CC2D2B: variants seen among roughly 807,000 people sequenced by gnomAD.
CC2D2B encodes the protein protein CC2D2B.
CC2D2B carries 128 observed loss-of-function variants against 161.2 expected under a neutral mutation model. That is an observed-to-expected ratio of 0.79 (90% CI 0.69 to 0.92). The LOEUF is 0.92. CC2D2B is among the 40% of genes least tolerant of loss of function. CC2D2B has a pLI of 0.00. For missense variants in CC2D2B, 1,173 were observed against 1,375.1 expected, an observed-to-expected ratio of 0.85 and a Z score of 2.32; for synonymous variants, 391 against 449.8, an observed-to-expected ratio of 0.87 and a Z score of 1.65.
At chr10:96,001,033 G>A (rs934318813) in intron 24 of CC2D2B, among the ~76,000 whole-genome samples, 1 of 152,070 alleles carries the variant, frequency 6.6e-6, no homozygotes, top group African/African-American at 2.4e-5. Flanking sequence ...AATCCAAAAA[G>A]AAATATACAC....
intron 9 of CC2D2B, among the ~76,000 whole-genome samples, chr10:95,948,219 C>CA (rs370443931): frequency 0.034 from 4,957 of 145,680 alleles, 125 homozygotes; most frequent in South Asian, 0.076. Context: ...GCCAAAAGAA[C>CA]AAAGCTGGAG....
intron 11 of CC2D2B, among the ~76,000 whole-genome samples, chr10:95,956,673 A>C (rs188706286): frequency 1.3e-4 from 20 of 152,270 alleles, no homozygotes; most frequent in African/African-American, 4.8e-4. Context: ...CAGTATCTGC[A>C]AGGGATTGGT....
At chr10:95,923,221 C>T (rs2098531309) in intron 3 of CC2D2B, among the ~76,000 whole-genome samples, 1 of 151,794 alleles carries the variant, frequency 6.6e-6, no homozygotes, top group Admixed American at 6.6e-5. Context: ...GGATTACAGG[C>T]GTGAGCCACT....
At chr10:95,943,828 A>G (rs182840925) in intron 9 of CC2D2B, among the ~76,000 whole-genome samples, 1 of 152,256 alleles carries the variant, frequency 6.6e-6, no homozygotes, top group East Asian at 1.9e-4. Context: ...ATATATGAAA[A>G]ATTATAGAAG....
rs2142001984 is a variant in CC2D2B at position 96,032,756 on chromosome 10, GTATTTGGAAGGAACTC to G, written c.*749_*764del. 1 of 468,952 alleles carries G rather than the reference GTATTTGGAAGGAACTC, an allele frequency of 2.1e-6. No homozygotes were observed. The highest frequency in any genetic ancestry group is 2.0e-5 in the African/African-American group (1 of 50,158). 29.0% of individuals were successfully genotyped at this position (468,952 alleles called of 1,614,324 possible). A position where few individuals can be genotyped will look rare whatever the true frequency, so the allele number is the denominator to read the frequency against. On this transcript the variant is annotated 3_prime_UTR_variant, in exon 35 of 35. Transcript: ENST00000646931. ...TGACATGAAATTCTTACAGCTCCAT[GTATTTGGAAGGAACTC>G]CCAGGAAACTCTAATTTCTCCCAAT...
chr10:95,982,038 GC>G lies in CC2D2B; in HGVS notation c.2008del (p.Leu670PhefsTer20). The G allele has an allele frequency of 8.1e-7, 1 of 1,230,946 alleles. No individual in the cohort carries two copies. The allele number at this position is 1,230,946 out of a possible 1,614,324, so 76.3% of individuals were successfully genotyped here. A position where few individuals can be genotyped will look rare whatever the true frequency, so the allele number is the denominator to read the frequency against. On this transcript the variant is annotated frameshift_variant, in exon 18 of 35. Transcript: ENST00000646931. LOFTEE classifies it high-confidence loss of function. ...GIPWLMNEQK[L>X]FEWANEVRID... Reference sequence around the variant, plus strand: ...TTCCATGGCTCATGAATGAACAGAAGCTTTTTGAATGGGCAAATGAAGTCAG... The same window carrying G: ...TTCCATGGCTCATGAATGAACAGAAGTTTTTGAATGGGCAAATGAAGTCAG...
At chr10:95,976,968 T>G (rs950565016) in intron 17 of CC2D2B, among the ~76,000 whole-genome samples, 1 of 152,220 alleles carries the variant, frequency 6.6e-6, no homozygotes, top group African/African-American at 2.4e-5. Flanking sequence ...CAGGCTAGTG[T>G]CAAACTGCTG....
At chr10:96,024,776 A>G in intron 32 of CC2D2B, 77 bp from the exon 33 acceptor site, 1 of 807,610 alleles carries the variant, frequency 1.2e-6, no homozygotes, top group South Asian at 1.6e-5. Context: ...CCTCCTTATT[A>G]TAGCTGGCAT....
chr10:95,971,217 C>T (rs1455225188), intron 15 of CC2D2B, among the ~76,000 whole-genome samples: 2 of 151,676 alleles, frequency 1.3e-5, no homozygotes, highest in African/African-American at 4.8e-5. Context: ...GATGAAATCC[C>T]GTCTCTACTA....
At chr10:95,917,334 C>G (rs2098518251) in intron 2 of CC2D2B, among the ~76,000 whole-genome samples, 1 of 152,006 alleles carries the variant, frequency 6.6e-6, no homozygotes, top group African/African-American at 2.4e-5. Context: ...CACTCTATGT[C>G]TTTTGATTAG....
At chr10:95,958,911 T>TG (rs2141399890) in intron 11 of CC2D2B, among the ~76,000 whole-genome samples, 1 of 152,024 alleles carries the variant, frequency 6.6e-6, no homozygotes, top group Non-Finnish European at 1.5e-5. Flanking sequence ...AGAAAATCAG[T>TG]ACACTCAAAA....
intron 10 of CC2D2B, among the ~76,000 whole-genome samples, chr10:95,954,705 A>T (rs1368967083): frequency 6.6e-6 from 1 of 152,130 alleles, no homozygotes; most frequent in African/African-American, 2.4e-5. Context: ...GATCCTCATA[A>T]AAATTGGGTT....
In CC2D2B at chr10:95,924,588, G is replaced by C. The variant is rs1022641846; in HGVS notation, c.175-191G>C. 4.6e-5 allele frequency among the ~76,000 whole-genome samples: 7 copies of C among 152,006 alleles called. No homozygotes were observed. In the South Asian group the frequency reaches 8.3e-4, roughly 18 times the overall value. On this transcript the variant is annotated intron_variant, in intron 4 of 34. Transcript: ENST00000646931. ...CTTATAATGTCAAACCTAAAGCCAA[G>C]AAGAGCTAGGTGATTTGGTCATAGT...
intron 34 of CC2D2B, among the ~76,000 whole-genome samples, chr10:96,028,571 C>T (rs571082930): frequency 1.7e-3 from 262 of 152,196 alleles, no homozygotes; most frequent in African/African-American, 5.8e-3. Context: ...TTTAGAGGTT[C>T]CTCAAAAAAC....
At chr10:96,030,992 A>G (rs897245601) in intron 34 of CC2D2B, among the ~76,000 whole-genome samples, 1 of 152,176 alleles carries the variant, frequency 6.6e-6, no homozygotes, top group African/African-American at 2.4e-5. Context: ...AATTTTTTTA[A>G]AAAAGTTATC....
chr10:96,025,166 T>TATATAAAAAAAAAAAA (rs1564683697), intron 33 of CC2D2B, among the ~76,000 whole-genome samples: 2 of 9,968 alleles, frequency 2.0e-4, no homozygotes, highest in African/African-American at 5.6e-4. Context: ...TATATATATA[T>TATATAAAAAAAAAAAA]ATATATATAT....
chr10:95,948,072 CT>C (rs1181237561), intron 9 of CC2D2B, among the ~76,000 whole-genome samples: 1 of 152,192 alleles, frequency 6.6e-6, no homozygotes. Flanking sequence ...GAAAGTCCAA[CT>C]TCCACTCCAC....
intron 15 of CC2D2B, among the ~76,000 whole-genome samples, chr10:95,971,776 T>C (rs2077142190): frequency 6.6e-6 from 1 of 152,240 alleles, no homozygotes; most frequent in Non-Finnish European, 1.5e-5. Flanking sequence ...TTTAAAGTGC[T>C]ACTCAAAATT....
chr10:95,998,387 A>G (rs2078316042), intron 24 of CC2D2B, among the ~76,000 whole-genome samples: 1 of 151,976 alleles, frequency 6.6e-6, no homozygotes, highest in East Asian at 1.9e-4. Flanking sequence ...GAATGGTTAC[A>G]CTCCCCTAAA....
Sources: gnomAD v4.1 joint callset for allele counts (sites outside exome capture counted in the v4.1 genomes callset) on GRCh38, gnomAD v4.1.1 for gene constraint, MANE v1.5 for transcripts, NCBI Gene and HGNC (gene_info 2026-07-23, HGNC 2026-07-21) for gene names.